ERBB4: variants seen among roughly 807,000 people sequenced by gnomAD.
ERBB4 encodes the protein receptor tyrosine-protein kinase erbB-4.
Under a neutral mutation model 158.0 loss-of-function variants are expected in ERBB4, and 42 were observed. The ratio of observed to expected loss-of-function variants is 0.27; its 90% CI spans 0.21 to 0.34. The LOEUF (loss-of-function observed/expected upper bound fraction) is 0.34, where lower values mean the gene tolerates loss of function less well. Among genes scored for constraint, ERBB4 ranks in the 10% least tolerant of loss-of-function variants. The pLI is 1.00. For synonymous variants in ERBB4, 583 were observed against 558.7 expected (o/e 1.04, Z -0.61); for missense variants, 1,333 against 1,624.1 (o/e 0.82, Z 3.08).
intron 1 of ERBB4, among the ~76,000 whole-genome samples, chr2:212,534,676 T>TAA (rs1692944105): frequency 6.6e-6 from 1 of 152,132 alleles, no homozygotes; most frequent in African/African-American, 2.4e-5. Flanking sequence ...TTAACACATG[T>TAA]AAACTCAATA....
chr2:211,864,350 A>C (rs764199139), intron 3 of ERBB4, among the ~76,000 whole-genome samples: 36 of 152,128 alleles, frequency 2.4e-4, no homozygotes, highest in Non-Finnish European at 4.1e-4. Context: ...CATGAAAGTG[A>C]CTGCTTTCCT....
chr2:211,658,960 A>G (rs1228587228), intron 15 of ERBB4, among the ~76,000 whole-genome samples: 1 of 152,100 alleles, frequency 6.6e-6, no homozygotes, highest in Non-Finnish European at 1.5e-5. Flanking sequence ...GATCCTTTTT[A>G]TAGTTAGGAT....
At chr2:212,365,969 C>T (rs182969480) in intron 1 of ERBB4, among the ~76,000 whole-genome samples, 1 of 151,748 alleles carries the variant, frequency 6.6e-6, no homozygotes, top group East Asian at 1.9e-4. Flanking sequence ...AGAAAAATAT[C>T]AAATATCAAC....
chr2:211,666,823 C>T (rs2071648402), intron 14 of ERBB4, among the ~76,000 whole-genome samples: 1 of 152,098 alleles, frequency 6.6e-6, no homozygotes, highest in African/African-American at 2.4e-5. Flanking sequence ...TTATAGTTCA[C>T]ATGGAAAACA....
chr2:211,444,939 G>A lies in ERBB4; in HGVS notation c.2488-13839C>T, dbSNP rs1415128108. On this transcript the variant is annotated intron_variant, in intron 20 of 27. Coordinates refer to ENST00000342788, the MANE Select transcript of ERBB4 (RefSeq NM_005235.3). ...AAAAGTGGAATTTGAGCTTGATATT[G>A]AATGAAAATTAAATATTTAAATTTT... is the stretch of plus-strand genomic sequence containing the variant. 4.6e-5 allele frequency among the ~76,000 whole-genome samples: 7 copies of A among 151,996 alleles called. No homozygotes were observed. The East Asian group carries it at 1.3e-3, about 29-fold the overall frequency.
intron 1 of ERBB4, among the ~76,000 whole-genome samples, chr2:212,200,416 A>T (rs2082557349): frequency 6.6e-6 from 1 of 152,172 alleles, no homozygotes; most frequent in Non-Finnish European, 1.5e-5. Flanking sequence ...AAAAATGGAA[A>T]ACTATCCAGA....
chr2:211,414,304 C>G (rs932263046), intron 25 of ERBB4, among the ~76,000 whole-genome samples: 14 of 151,910 alleles, frequency 9.2e-5, no homozygotes, highest in Non-Finnish European at 1.3e-4. Flanking sequence ...TCGAGACCAG[C>G]CTGGCCAACA....
intron 25 of ERBB4, among the ~76,000 whole-genome samples, chr2:211,401,585 T>G (rs534615683): frequency 6.6e-6 from 1 of 152,202 alleles, no homozygotes; most frequent in South Asian, 2.1e-4. Flanking sequence ...CATGTAGTCA[T>G]GTAGGAAATA....
At chr2:211,942,871 G>A (rs2125125534) in intron 3 of ERBB4, among the ~76,000 whole-genome samples, 1 of 152,156 alleles carries the variant, frequency 6.6e-6, no homozygotes, top group East Asian at 1.9e-4. Flanking sequence ...TATCTAAGGT[G>A]AAATGTAGTG....
chr2:211,609,616 C>T (rs1431212418), intron 19 of ERBB4, among the ~76,000 whole-genome samples: 1 of 152,192 alleles, frequency 6.6e-6, no homozygotes, highest in Non-Finnish European at 1.5e-5. Context: ...GATCCTAGCT[C>T]ATTTCAGCCT....
chr2:212,529,291 A>G (rs1692618325), intron 1 of ERBB4, among the ~76,000 whole-genome samples: 1 of 152,168 alleles, frequency 6.6e-6, no homozygotes, highest in South Asian at 2.1e-4. Flanking sequence ...ATACTGAACT[A>G]CAAAATATTT....
At chr2:212,359,219 A>C (rs1167528288) in intron 1 of ERBB4, among the ~76,000 whole-genome samples, 2 of 144,884 alleles carry the variant, frequency 1.4e-5, no homozygotes, top group Non-Finnish European at 3.0e-5. Context: ...AACTTGTTCT[A>C]AATGTGATAT....
At chr2:211,795,216 T>C (rs888560743) in intron 3 of ERBB4, among the ~76,000 whole-genome samples, 3 of 151,788 alleles carry the variant, frequency 2.0e-5, no homozygotes, top group African/African-American at 4.8e-5. Context: ...CGGCTTTGAA[T>C]TGTAAAGGCA....
intron 1 of ERBB4, among the ~76,000 whole-genome samples, chr2:212,489,004 A>G (rs766843146): frequency 1.5e-4 from 22 of 149,950 alleles, no homozygotes; most frequent in Non-Finnish European, 2.8e-4. Context: ...ATACCCCCCA[A>G]AGAAGAATTG....
At chr2:211,468,019 T>C (rs2064738696) in intron 20 of ERBB4, among the ~76,000 whole-genome samples, 1 of 152,014 alleles carries the variant, frequency 6.6e-6, no homozygotes, top group Non-Finnish European at 1.5e-5. Flanking sequence ...GAAAAGGAGA[T>C]GGAGATAAAT....
At chr2:212,218,744 A>T (rs1380614735) in intron 1 of ERBB4, among the ~76,000 whole-genome samples, 2 of 151,400 alleles carry the variant, frequency 1.3e-5, no homozygotes, top group Non-Finnish European at 3.0e-5. Context: ...ATGCTGGCAC[A>T]TATCAATATC....
chr2:211,895,663 A>G (rs998075648), intron 3 of ERBB4, among the ~76,000 whole-genome samples: 1 of 152,088 alleles, frequency 6.6e-6, no homozygotes, highest in African/African-American at 2.4e-5. Context: ...CCAGTTCTTT[A>G]ACCTTACATA....
rs1170478024 is a variant in ERBB4, at chr2:211,861,127, TATA to T, written c.422-72971_422-72969del. Among the ~76,000 whole-genome samples, 39 of 21,752 alleles carry T rather than the reference TATA, an allele frequency of 1.8e-3. 7 individuals are homozygous for T. Among genetic ancestry groups the T allele is most frequent in the African/African-American group, 6.4e-3 (35 of 5,480 alleles). 14.3% of individuals were successfully genotyped at this position (21,752 alleles called of 152,430 possible). On this transcript the variant is annotated intron_variant, in intron 3 of 27. Coordinates refer to ENST00000342788, the MANE Select transcript of ERBB4 (RefSeq NM_005235.3). ...TATATATATTTATATATATATTTTA[TATA>T]TATATATATATATATATATATATAT...
intron 2 of ERBB4, among the ~76,000 whole-genome samples, chr2:212,012,082 G>A (rs1239465271): frequency 6.6e-6 from 1 of 152,042 alleles, no homozygotes; most frequent in Non-Finnish European, 1.5e-5. Context: ...ATGAACTTGT[G>A]CACTTAAAAA....
Sources: gnomAD v4.1 joint callset for allele counts (sites outside exome capture counted in the v4.1 genomes callset) on GRCh38, gnomAD v4.1.1 for gene constraint, MANE v1.5 for transcripts, NCBI Gene and HGNC (gene_info 2026-07-23, HGNC 2026-07-21) for gene names.